The following TCF7L2 variants were observed in gnomAD, a reference collection of about 807,000 sequenced individuals.
TCF7L2 encodes transcription factor 7 like 2.
Under a neutral mutation model 77.9 loss-of-function variants are expected in TCF7L2, and 23 were observed. The ratio of observed to expected loss-of-function variants is 0.30; its 90% CI spans 0.21 to 0.42. TCF7L2 has a LOEUF of 0.42. TCF7L2 is among the 10% of genes least tolerant of loss of function. TCF7L2 has a pLI of 1.00. For synonymous variants in TCF7L2, 413 were observed against 340.2 expected (o/e 1.21, Z -2.36); for missense variants, 654 against 793.1 (o/e 0.82, Z 2.11).
chr10:112,982,044 A>G (rs1433092077), intron 4 of TCF7L2, among the ~76,000 whole-genome samples: 1 of 152,220 alleles, frequency 6.6e-6, no homozygotes, highest in Admixed American at 6.5e-5. Flanking sequence ...TCTGTGGACT[A>G]TTTTGGAAAC....
intron 5 of TCF7L2, among the ~76,000 whole-genome samples, chr10:113,052,490 G>A (rs997669098): frequency 6.6e-6 from 1 of 152,168 alleles, no homozygotes; most frequent in African/African-American, 2.4e-5. Context: ...GTGAACAAAA[G>A]TTCTCTGACT....
intron 5 of TCF7L2, among the ~76,000 whole-genome samples, chr10:113,063,897 T>TGTGC (rs1399684395): frequency 7.5e-6 from 1 of 133,450 alleles, no homozygotes; most frequent in Admixed American, 7.4e-5. Flanking sequence ...ATGTGGCGTG[T>TGTGC]GTGTGTGTGT....
At chr10:113,031,766 G>A (rs563220344) in intron 4 of TCF7L2, among the ~76,000 whole-genome samples, 111 of 152,290 alleles carry the variant, frequency 7.3e-4, no homozygotes, top group Non-Finnish European at 1.4e-3. Flanking sequence ...TGGGATTACA[G>A]GCATGAGCCA....
At chr10:113,106,010 G>C (rs1213572291) in intron 5 of TCF7L2, among the ~76,000 whole-genome samples, 6 of 152,340 alleles carry the variant, frequency 3.9e-5, no homozygotes, top group African/African-American at 1.4e-4. Flanking sequence ...TAAGAAGATA[G>C]CAGTAAGTGG....
chr10:113,094,292 TTA>T (rs1235357344), intron 5 of TCF7L2, among the ~76,000 whole-genome samples: 2 of 152,208 alleles, frequency 1.3e-5, no homozygotes, highest in African/African-American at 4.8e-5. Context: ...GTGGCTTATT[TTA>T]TGTCTGATTT....
At chr10:113,075,819 TTTTG>T (rs901565680) in intron 5 of TCF7L2, among the ~76,000 whole-genome samples, 1 of 152,156 alleles carries the variant, frequency 6.6e-6, no homozygotes, top group Non-Finnish European at 1.5e-5. Context: ...CCTAATAGTT[TTTTG>T]TTTGTTTGTT....
At chr10:113,069,699 T>A (rs2057708418) in intron 5 of TCF7L2, among the ~76,000 whole-genome samples, 1 of 152,190 alleles carries the variant, frequency 6.6e-6, no homozygotes, top group Non-Finnish European at 1.5e-5. Flanking sequence ...AGACTGTGTA[T>A]GTAGTCAGTG....
intron 4 of TCF7L2, among the ~76,000 whole-genome samples, chr10:112,990,753 A>G (rs1390750982): frequency 6.6e-6 from 1 of 152,316 alleles, no homozygotes; most frequent in East Asian, 1.9e-4. Context: ...TTAGCTAGCC[A>G]AGCTGCTTAT....
rs142389243 is a variant in TCF7L2 at position 113,119,742 on chromosome 10, T to C, written c.553-21442T>C. 2.4e-3 allele frequency among the ~76,000 whole-genome samples: 362 copies of C among 152,258 alleles called. 1 individual carries two copies. The highest frequency in any genetic ancestry group is 6.0e-3 in the Admixed American group (92 of 15,288). Reference sequence around the variant, plus strand: ...AATTTTCCAGTTATGTGGCAAAGTTTATTGGATTTGTGTGTATAATTATGG... The same window carrying C: ...AATTTTCCAGTTATGTGGCAAAGTTCATTGGATTTGTGTGTATAATTATGG... On this transcript the variant is annotated intron_variant, in intron 5 of 13. Coordinates refer to ENST00000627217, the MANE Select transcript of TCF7L2 (RefSeq NM_001146274.2).
intron 8 of TCF7L2, among the ~76,000 whole-genome samples, chr10:113,150,602 A>G (rs977966905): frequency 1.2e-4 from 18 of 152,188 alleles, no homozygotes; most frequent in African/African-American, 2.7e-4. Context: ...ACAACAAAAG[A>G]TTTCACCTTT....
intron 3 of TCF7L2, among the ~76,000 whole-genome samples, chr10:112,957,150 C>T (rs1339031213): frequency 2.0e-5 from 3 of 147,978 alleles, no homozygotes; most frequent in Admixed American, 1.3e-4. Context: ...CTCCCTTTTT[C>T]CTTTCTTTCT....
At chr10:113,017,208 T>C (rs2047490325) in intron 4 of TCF7L2, among the ~76,000 whole-genome samples, 1 of 152,196 alleles carries the variant, frequency 6.6e-6, no homozygotes, top group Non-Finnish European at 1.5e-5. Context: ...GGTAAGACTT[T>C]CTTAAACCAT....
chr10:113,153,181 G>A (rs2071120559), intron 11 of TCF7L2, among the ~76,000 whole-genome samples: 1 of 152,226 alleles, frequency 6.6e-6, no homozygotes, highest in Admixed American at 6.5e-5. Context: ...TGCAGTGGTT[G>A]TGACCCCACG....
chr10:113,141,292 C>G lies in TCF7L2; in HGVS notation c.661C>G (p.Pro221Ala), dbSNP rs1328304290. 5.6e-6 allele frequency: 9 copies of G among 1,614,178 alleles called. No homozygotes were observed. The highest frequency in any genetic ancestry group is 7.6e-6 in the Non-Finnish European group (9 of 1,180,038). Reference sequence around the variant, plus strand: ...GCCGGGAAACCCACCTCCACACTTACCAGCCGACGTAGACCCCAAAACAGG... The same window carrying G: ...GCCGGGAAACCCACCTCCACACTTAGCAGCCGACGTAGACCCCAAAACAGG... Residue 221 changes from proline (P) to alanine (A), a missense_variant, in exon 6 of 14, where the codon CCA (proline) becomes GCA (alanine). By Grantham distance (27) the Pro-to-Ala change is conservative (BLOSUM62 -1). Transcript: ENST00000627217.
Position 113,043,909 on chromosome 10 carries a change from A to G in TCF7L2, c.552+3783A>G, listed in dbSNP as rs200748693. Among the ~76,000 whole-genome samples the G allele has an allele frequency of 5.9e-5, 9 of 152,068 alleles. No homozygotes were observed. The East Asian group carries it at 1.7e-3, about 29-fold the overall frequency. On this transcript the variant is annotated intron_variant, in intron 5 of 13. Coordinates refer to ENST00000627217, the MANE Select transcript of TCF7L2 (RefSeq NM_001146274.2). ...ATACCACCTCTGGTGTCTTTGCTAT[A>G]CAAAGACTTTCATTTAGCCTCCTTT... is the stretch of plus-strand genomic sequence containing the variant.
chr10:113,022,173 G>A (rs984110393), intron 4 of TCF7L2, among the ~76,000 whole-genome samples: 1 of 152,160 alleles, frequency 6.6e-6, no homozygotes, highest in African/African-American at 2.4e-5. Context: ...ATTTCGTGTG[G>A]TTTCTTGGTA....
rs369496265 is a variant in TCF7L2 at position 112,987,110 on chromosome 10, A to G, written c.450+22486A>G. On this transcript the variant is annotated intron_variant, in intron 4 of 13. Transcript: ENST00000627217. ...CATTTCTTTTGTTTCTATTTTAAAA[A>G]TACTTACCGAGCATCTTCTGGTAGC... 5.9e-5 allele frequency among the ~76,000 whole-genome samples: 9 copies of G among 152,340 alleles called. No homozygotes were observed. The East Asian group carries it at 1.2e-3, about 20-fold the overall frequency.
At chr10:113,097,082 C>T (rs924240028) in intron 5 of TCF7L2, among the ~76,000 whole-genome samples, 1 of 150,480 alleles carries the variant, frequency 6.6e-6, no homozygotes, top group Non-Finnish European at 1.5e-5. Context: ...AGTAGCTTGC[C>T]TGTGATCTAC....
At chr10:113,030,138 A>G (rs879423942) in intron 4 of TCF7L2, among the ~76,000 whole-genome samples, 3 of 152,142 alleles carry the variant, frequency 2.0e-5, no homozygotes, top group African/African-American at 4.8e-5. Context: ...GAATTTGCCT[A>G]TTTTGGTTAT....
Sources: allele counts gnomAD v4.1 joint callset (sites outside exome capture counted in the v4.1 genomes callset), GRCh38; gene constraint gnomAD v4.1.1; transcripts MANE v1.5; gene names NCBI Gene and HGNC (gene_info 2026-07-23, HGNC 2026-07-21).